TRPM3: variants seen among roughly 807,000 people sequenced by gnomAD.
TRPM3 encodes long transient receptor potential channel 3.
TRPM3 carries 77 observed loss-of-function variants against 181.2 expected under a neutral mutation model. The observed-to-expected ratio is 0.42, with a 90% CI of 0.35 to 0.51. The LOEUF is 0.51. Ranked by LOEUF, TRPM3 falls within the 20% of genes least tolerant of loss-of-function variation. The pLI, the probability that TRPM3 is intolerant of heterozygous loss-of-function variation, is 0.01. For synonymous variants in TRPM3, 745 were observed against 796.4 expected (o/e 0.94, Z 1.09); for missense variants, 1,759 against 2,196.7 (o/e 0.80, Z 3.98).
chr9:71,311,759 T>A (rs1412134893), intron 1 of TRPM3, among the ~76,000 whole-genome samples: 2 of 151,646 alleles, frequency 1.3e-5, no homozygotes, highest in Non-Finnish European at 2.9e-5. Flanking sequence ...GGGCCACATA[T>A]CAAATATGCT....
At chr9:70,912,000 AG>A (rs1375543377) in intron 1 of TRPM3, among the ~76,000 whole-genome samples, 1 of 152,204 alleles carries the variant, frequency 6.6e-6, no homozygotes, top group Non-Finnish European at 1.5e-5. Flanking sequence ...AGGGCCTGGA[AG>A]GAGGCAGTTG....
chr9:71,088,470 G>A (rs1263029948), intron 1 of TRPM3, among the ~76,000 whole-genome samples: 1 of 152,004 alleles, frequency 6.6e-6, no homozygotes, highest in Non-Finnish European at 1.5e-5. Context: ...ATAATCTTTA[G>A]ACATAATCTA....
chr9:70,928,535 A>C (rs2096743726), intron 1 of TRPM3, among the ~76,000 whole-genome samples: 1 of 152,082 alleles, frequency 6.6e-6, no homozygotes, highest in Non-Finnish European at 1.5e-5. Flanking sequence ...CACACACACA[A>C]AATAGTTGAG....
intron 7 of TRPM3, among the ~76,000 whole-genome samples, chr9:70,770,931 T>A (rs1180132587): frequency 6.6e-6 from 1 of 152,130 alleles, no homozygotes; most frequent in Non-Finnish European, 1.5e-5. Context: ...GGGAGATAGA[T>A]TTCAGTAATT....
At chr9:71,385,659 TA>T (rs1170255260) in intron 1 of TRPM3, among the ~76,000 whole-genome samples, 2 of 152,332 alleles carry the variant, frequency 1.3e-5, no homozygotes, top group East Asian at 3.9e-4. Context: ...ATAATTACAT[TA>T]ACAGATTATC....
At chr9:71,222,450 A>G (rs1176228224) in intron 1 of TRPM3, among the ~76,000 whole-genome samples, 1 of 152,174 alleles carries the variant, frequency 6.6e-6, no homozygotes, top group Non-Finnish European at 1.5e-5. Flanking sequence ...GATGATTGAG[A>G]TAGGCAATTT....
chr9:70,667,108 ATCTC>A (rs147232927), intron 9 of TRPM3, among the ~76,000 whole-genome samples: 3 of 151,042 alleles, frequency 2.0e-5, no homozygotes, highest in South Asian at 4.2e-4. Flanking sequence ...CTCGCTGTTT[ATCTC>A]TCTCTCTCTC....
At chr9:71,418,611 T>A (rs568268587) in intron 1 of TRPM3, among the ~76,000 whole-genome samples, 3 of 151,620 alleles carry the variant, frequency 2.0e-5, no homozygotes, top group Admixed American at 1.3e-4. Flanking sequence ...TCCTGAGCAG[T>A]CAGGAAATAA....
intron 1 of TRPM3, among the ~76,000 whole-genome samples, chr9:70,866,496 C>T (rs2095652119): frequency 6.6e-6 from 1 of 152,000 alleles, no homozygotes; most frequent in Non-Finnish European, 1.5e-5. Flanking sequence ...AAAATGGAGA[C>T]AACAGCAATA....
intron 1 of TRPM3, among the ~76,000 whole-genome samples, chr9:70,891,036 G>C (rs376172512): frequency 2.6e-5 from 4 of 152,198 alleles, no homozygotes; most frequent in East Asian, 1.9e-4. Context: ...TGGGGAGAGG[G>C]GGGAGGGATA....
intron 8 of TRPM3, among the ~76,000 whole-genome samples, chr9:70,692,458 A>C (rs932526987): frequency 2.0e-5 from 3 of 152,254 alleles, no homozygotes; most frequent in Non-Finnish European, 4.4e-5. Context: ...AAAGCAAGTT[A>C]CAGTAAAAGG....
intron 1 of TRPM3, among the ~76,000 whole-genome samples, chr9:70,959,250 C>A (rs2097112134): frequency 6.6e-6 from 1 of 151,804 alleles, no homozygotes; most frequent in African/African-American, 2.4e-5. Context: ...TTGCACATCC[C>A]TAATGCCTAC....
At chr9:70,543,597 T>A (rs117938413) in intron 25 of TRPM3, among the ~76,000 whole-genome samples, 1 of 152,320 alleles carries the variant, frequency 6.6e-6, no homozygotes, top group Non-Finnish European at 1.5e-5. Flanking sequence ...ACATGTGATG[T>A]TTGTCTTTCT....
chr9:71,008,070 C>T (rs986126314), intron 1 of TRPM3, among the ~76,000 whole-genome samples: 1 of 151,574 alleles, frequency 6.6e-6, no homozygotes, highest in African/African-American at 2.4e-5. Flanking sequence ...ATAAATAAAA[C>T]TAGAGATGAA....
chr9:70,811,709 A>G (rs1229304438), intron 6 of TRPM3, among the ~76,000 whole-genome samples: 1 of 152,108 alleles, frequency 6.6e-6, no homozygotes, highest in Non-Finnish European at 1.5e-5. Context: ...CATTTTCCTG[A>G]TTTCTAGAGA....
In TRPM3 at chr9:70,785,522, T is replaced by C. The variant is rs553068321; in HGVS notation, c.974-1243A>G. 3.4e-4 allele frequency among the ~76,000 whole-genome samples: 52 copies of C among 152,232 alleles called. No homozygotes were observed. The South Asian group carries it at 0.011, about 31-fold the overall frequency. On this transcript the variant is annotated intron_variant, in intron 6 of 25. Transcript: ENST00000677713. ...AGCAGTTATCTTAAAAAAGAAATAATCAAAATTCTGTACTACTTCCATAAA... is the reference window on the plus strand; with the variant it reads ...AGCAGTTATCTTAAAAAAGAAATAACCAAAATTCTGTACTACTTCCATAAA...
At chr9:71,130,796 G>A (rs1043836855) in intron 1 of TRPM3, among the ~76,000 whole-genome samples, 2 of 152,126 alleles carry the variant, frequency 1.3e-5, no homozygotes, top group Admixed American at 6.5e-5. Flanking sequence ...GGAGAGAGAT[G>A]ATAATAGAGA....
At chr9:71,022,839 AAAAT>A (rs911886667) in intron 1 of TRPM3, among the ~76,000 whole-genome samples, 7 of 152,166 alleles carry the variant, frequency 4.6e-5, no homozygotes, top group Admixed American at 1.3e-4. Flanking sequence ...GTATAATAAA[AAAAT>A]AAATAAAATA....
At chr9:70,617,953 A>G (rs1006912269) in intron 17 of TRPM3, among the ~76,000 whole-genome samples, 4 of 152,204 alleles carry the variant, frequency 2.6e-5, no homozygotes, top group South Asian at 2.1e-4. Context: ...TGACAGAGCA[A>G]GACCTTGTCT....
Sources: gnomAD v4.1 joint callset for allele counts (sites outside exome capture counted in the v4.1 genomes callset) on GRCh38, gnomAD v4.1.1 for gene constraint, MANE v1.5 for transcripts, NCBI Gene and HGNC (gene_info 2026-07-23, HGNC 2026-07-21) for gene names.